The following ABCC3 variants were observed in gnomAD, a reference collection of about 807,000 sequenced individuals.
The protein encoded by ABCC3 is ATP-binding cassette sub-family C member 3.
In ABCC3, 121 loss-of-function variants were observed where a neutral mutation model predicts 165.3. That is an observed-to-expected ratio of 0.73 (90% confidence interval 0.63 to 0.85). The LOEUF (loss-of-function observed/expected upper bound fraction) is 0.85. Ranked by LOEUF, ABCC3 falls within the 40% of genes least tolerant of loss-of-function variation. ABCC3 has a pLI of 0.00. For missense variants in ABCC3, 1,869 were observed against 1,964.1 expected, an observed-to-expected ratio of 0.95 and a Z score of 0.92; for synonymous variants, 733 against 810.1, an observed-to-expected ratio of 0.90 and a Z score of 1.62.
Position 50,691,352 on chromosome 17 carries a change from A to G in ABCC3, c.*152A>G. ...AGTGCCTTACAGGGTAACTGTGCTGAATGCTTTAGATGAGGAAATGATCCC... is the reference window on the plus strand; with the variant it reads ...AGTGCCTTACAGGGTAACTGTGCTGGATGCTTTAGATGAGGAAATGATCCC... On this transcript the variant is annotated 3_prime_UTR_variant, in exon 31 of 31. Coordinates refer to ENST00000285238, the MANE Select transcript of ABCC3 (RefSeq NM_003786.4). The G allele has an allele frequency of 1.6e-6, 1 of 609,920 alleles. No individual in the cohort carries two copies. 37.8% of individuals were successfully genotyped at this position (609,920 alleles called of 1,614,324 possible).
intron 26 of ABCC3, among the ~76,000 whole-genome samples, 163 bp downstream of exon 26, chr17:50,680,062 A>T (rs1967901016): frequency 6.6e-6 from 1 of 152,134 alleles, no homozygotes; most frequent in Admixed American, 6.5e-5. Flanking sequence ...CTATGCTAGG[A>T]GGTGTAGAGA....
chr17:50,637,076 G>A (rs1374447667), intron 1 of ABCC3, among the ~76,000 whole-genome samples: 1 of 152,154 alleles, frequency 6.6e-6, no homozygotes, highest in African/African-American at 2.4e-5. Flanking sequence ...CCTCCTCTGA[G>A]GATGCAGGCT....
rs143021201 is a variant in ABCC3, at chr17:50,669,493, C to A, written c.2206C>A (p.Leu736Met). The A allele has an allele frequency of 3.7e-6, 6 of 1,614,108 alleles. No individual in the cohort carries two copies. The African/African-American group carries it at 5.3e-5, about 14-fold the overall frequency. The change falls in exon 17 of 31, where the codon CTG becomes ATG. Residue 736 changes from leucine to methionine, a missense_variant. By Grantham distance (15) the Leu-to-Met change is conservative. Coordinates refer to ENST00000285238, the MANE Select transcript of ABCC3 (RefSeq NM_003786.4). ...TGCCTTGCTAGCTGACCTGGAGATG[C>A]TGCCTGGTGGGGATCAGACAGAGAT... Reference protein sequence around the residue: ...ACALLADLEMLPGGDQTEIGE... With the variant: ...ACALLADLEMMPGGDQTEIGE...
intron 16 of ABCC3, 39 bp from the exon 17 acceptor site, chr17:50,669,313 C>A (rs377253775): frequency 1.2e-6 from 2 of 1,614,032 alleles, no homozygotes; most frequent in Non-Finnish European, 1.7e-6. Flanking sequence ...CTCAGCCAGG[C>A]CTTGGGCAAG....
intron 29 of ABCC3, 112 bp from the exon 30 acceptor site, chr17:50,687,424 G>A: frequency 9.4e-7 from 1 of 1,059,780 alleles, no homozygotes; most frequent in South Asian, 1.5e-5. Flanking sequence ...AATGGGAGAA[G>A]TCAGACAGAA....
In ABCC3 at chr17:50,668,523, G is replaced by A. The variant is rs762551001; in HGVS notation, c.1870+6G>A. 13 of 1,612,222 alleles carry A rather than the reference G, an allele frequency of 8.1e-6. No individual in the cohort carries two copies. The highest frequency in any genetic ancestry group is 1.1e-5 in the Non-Finnish European group (13 of 1,178,648). ...AAGAAAGACCATCTCCCCAGGTCTA[G>A]AGAGCCCCTACCTGGGCTGCCTGCC... On this transcript the variant is annotated splice_donor_region_variant and intron_variant, in intron 14 of 30. Coordinates refer to ENST00000285238, the MANE Select transcript of ABCC3 (RefSeq NM_003786.4).
chr17:50,668,815 A>C (rs779555652), intron 14 of ABCC3, 38 bp from the exon 15 acceptor site: 5 of 1,587,492 alleles, frequency 3.1e-6, no homozygotes, highest in Non-Finnish European at 4.3e-6. Flanking sequence ...CCATCCCTTG[A>C]GCTCCCTCCC....
At position 50,663,943 on chromosome 17, in the gene ABCC3, C is replaced by T. The variant is rs377022413; in HGVS notation, c.1177-7C>T. On this transcript the variant is annotated splice_region_variant and splice_polypyrimidine_tract_variant and intron_variant, in intron 9 of 30. Coordinates refer to ENST00000285238, the MANE Select transcript of ABCC3 (RefSeq NM_003786.4). ...AGCCAAGTCCACCCACTACTGTCTA[C>T]CTGCAGGCTCTGGTTATCACCAACT... 13 of 1,614,090 alleles carry T rather than the reference C, an allele frequency of 8.1e-6. No individual in the cohort carries two copies. Among genetic ancestry groups the T allele is most frequent in the Non-Finnish European group, 1.1e-5 (13 of 1,180,050 alleles).
In ABCC3 at chr17:50,669,440, A is replaced by T. The variant is rs11568584; in HGVS notation, c.2153A>T (p.Lys718Met). 3.8e-5 allele frequency: 61 copies of T among 1,614,140 alleles called. No homozygotes were observed. The highest frequency in any genetic ancestry group is 1.7e-4 in the Admixed American group (10 of 60,006). ...NVLFGKALNP[K>M]RYQQTLEACA... ...CTTTTCGGCAAAGCCCTGAACCCCA[A>T]GCGCTACCAGCAGACTCTGGAGGCC... Residue 718 changes from lysine (K) to methionine (M), a missense_variant, in exon 17 of 31, where the codon AAG becomes ATG. Transcript: ENST00000285238.
Position 50,673,543 on chromosome 17 carries a change from G to T in ABCC3, c.2484G>T (p.Gln828His), listed in dbSNP as rs777746452. 1.2e-6 allele frequency: 2 copies of T among 1,614,220 alleles called. No individual in the cohort carries two copies. Among genetic ancestry groups the T allele is most frequent in the East Asian group, 4.5e-5 (2 of 44,884 alleles). The change falls in exon 19 of 31, where the codon CAG becomes CAT. Residue 828 changes from glutamine to histidine, a missense_variant. By Grantham distance (24) the Gln-to-His change is conservative. Transcript: ENST00000285238. ...TCATCATTGTGCTAGCTGATGGACA[G>T]GTGTCTGAGATGGGCCCGTACCCAG... ...TDFIIVLADG[Q>H]VSEMGPYPAL...
In ABCC3 at chr17:50,667,991, A is replaced by G; in HGVS notation, c.1764A>G (p.Leu588=). ...LRLPLNMLPQ[L]ISNLTQASVS... ...TTCCCCTCAACATGCTGCCCCAGTT[A>G]ATCAGCAACCTGACTCAGGTAACCC... Residue 588 remains leucine (L), a synonymous_variant, in exon 13 of 31, where the codon TTA becomes TTG. Transcript: ENST00000285238. The G allele has an allele frequency of 6.2e-7, 1 of 1,614,048 alleles. No homozygotes were observed. The highest frequency in any genetic ancestry group is 8.5e-7 in the Non-Finnish European group (1 of 1,179,980).
At chr17:50,680,272 C>T (rs1485593799) in intron 26 of ABCC3, among the ~76,000 whole-genome samples, 1 of 152,156 alleles carries the variant, frequency 6.6e-6, no homozygotes, top group Admixed American at 6.5e-5. Context: ...CTTTGATAGA[C>T]TAAGTAAGAT....
intron 1 of ABCC3, among the ~76,000 whole-genome samples, chr17:50,653,468 C>T (rs1323369368): frequency 2.7e-5 from 4 of 150,486 alleles, no homozygotes; most frequent in South Asian, 2.1e-4. Context: ...AGTAAAGACT[C>T]GGCTGGGCGT....
chr17:50,675,798 G>C, intron 21 of ABCC3, 23 bp downstream of exon 21: 1 of 1,583,970 alleles, frequency 6.3e-7, no homozygotes, highest in Non-Finnish European at 8.6e-7. Flanking sequence ...GGCAAGAGGG[G>C]CTGGAGGGGA....
At chr17:50,678,049 T>G (rs548730994) in intron 24 of ABCC3, 44 bp from the exon 25 acceptor site, 7 of 1,613,808 alleles carry the variant, frequency 4.3e-6, no homozygotes, top group Non-Finnish European at 5.9e-6. Context: ...AAACTGGCCC[T>G]GCCCTGCCCC....
Position 50,656,810 on chromosome 17 carries a change from G to C in ABCC3, c.331G>C (p.Val111Leu), listed in dbSNP as rs752973291. The C allele has an allele frequency of 1.2e-6, 2 of 1,611,890 alleles. No homozygotes were observed. The highest frequency in any genetic ancestry group is 1.7e-6 in the Non-Finnish European group (2 of 1,179,060). The change falls in exon 3 of 31, where the codon GTG becomes CTG. Residue 111 changes from valine (V) to leucine (L), a missense_variant. Coordinates refer to ENST00000285238, the MANE Select transcript of ABCC3 (RefSeq NM_003786.4). The stretch of plus-strand genomic sequence containing the variant: ...CCCTGTTTTCTTTGTCACCCCCTTG[G>C]TGGTGGGGGTCACCATGGTCAGTGT... Reference protein sequence around the residue: ...PAPVFFVTPLVVGVTMLLATL... With the variant: ...PAPVFFVTPLLVGVTMLLATL...
intron 1 of ABCC3, among the ~76,000 whole-genome samples, chr17:50,651,101 A>G (rs527536124): frequency 2.7e-5 from 4 of 148,060 alleles, no homozygotes; most frequent in African/African-American, 1.0e-4. Flanking sequence ...CTTAACCCTT[A>G]GTGACCTTAA....
intron 8 of ABCC3, among the ~76,000 whole-genome samples, chr17:50,662,481 T>C (rs1137449): frequency 0.4 from 60,027 of 151,150 alleles, 12,365 homozygotes; most frequent in South Asian, 0.55. Flanking sequence ...TACAAAAAAG[T>C]TAAGATATTA....
chr17:50,647,214 G>C (rs1418693643), intron 1 of ABCC3, among the ~76,000 whole-genome samples: 2 of 152,170 alleles, frequency 1.3e-5, no homozygotes, highest in Non-Finnish European at 1.5e-5. Context: ...CCTTGGCCAA[G>C]GTGCTTAACC....
Sources: gnomAD v4.1 joint callset for allele counts (sites outside exome capture counted in the v4.1 genomes callset) on GRCh38, gnomAD v4.1.1 for gene constraint, MANE v1.5 for transcripts, NCBI Gene and HGNC (gene_info 2026-07-23, HGNC 2026-07-21) for gene names.